Variants in PTPRT observed in about 807,000 individuals in gnomAD.
PTPRT encodes receptor-type tyrosine-protein phosphatase T.
PTPRT carries 56 observed loss-of-function variants against 176.8 expected under a neutral mutation model. That is an observed-to-expected ratio of 0.32 (90% confidence interval 0.26 to 0.40). The LOEUF (loss-of-function observed/expected upper bound fraction) is 0.40. PTPRT is among the 10% of genes least tolerant of loss of function. PTPRT has a pLI of 1.00. For synonymous variants in PTPRT, 783 were observed against 739.0 expected, an observed-to-expected ratio of 1.06 and a Z score of -0.96; for missense variants, 1,540 against 1,908.2, an observed-to-expected ratio of 0.81 and a Z score of 3.60.
intron 6 of PTPRT, among the ~76,000 whole-genome samples, chr20:42,696,347 C>A (rs1018231003): frequency 2.0e-5 from 3 of 150,762 alleles, no homozygotes; most frequent in Non-Finnish European, 3.0e-5. Context: ...CTCTCCCGTT[C>A]TCCTTTCTCT....
At chr20:43,103,772 T>TAATAATAATAATAATAAC (rs1435622032) in intron 1 of PTPRT, among the ~76,000 whole-genome samples, 1 of 150,454 alleles carries the variant, frequency 6.6e-6, no homozygotes, top group East Asian at 1.9e-4. Flanking sequence ...ATAATAATAA[T>TAATAATAATAATAATAAC]AATAACTAAA....
At position 43,127,560 on chromosome 20, in the gene PTPRT, G is replaced by A. The variant is rs553771709; in HGVS notation, c.88+62086C>T. 7.2e-5 allele frequency among the ~76,000 whole-genome samples: 11 copies of A among 152,204 alleles called. No individual in the cohort carries two copies. The South Asian group carries it at 2.3e-3, about 32-fold the overall frequency. On this transcript the variant is annotated intron_variant, in intron 1 of 30. Transcript: ENST00000373187. Reference sequence around the variant, plus strand: ...CAGCAAGCTCCTTGGCCATCCTCTAGCCATGTTCCTGCAGCCACAAACACC... The same window carrying A: ...CAGCAAGCTCCTTGGCCATCCTCTAACCATGTTCCTGCAGCCACAAACACC...
At chr20:42,337,907 C>T (rs2058062562) in intron 11 of PTPRT, among the ~76,000 whole-genome samples, 1 of 152,114 alleles carries the variant, frequency 6.6e-6, no homozygotes, top group African/African-American at 2.4e-5. Context: ...AGAGTAGAAC[C>T]TTGGTGTGAT....
intron 6 of PTPRT, among the ~76,000 whole-genome samples, chr20:42,682,281 TA>T (rs962434314): frequency 1.1e-4 from 16 of 151,656 alleles, no homozygotes; most frequent in African/African-American, 3.4e-4. Context: ...CCTTAAAAGT[TA>T]AAAAAAACAA....
At chr20:43,046,422 G>C (rs1215144524) in intron 1 of PTPRT, among the ~76,000 whole-genome samples, 1 of 143,288 alleles carries the variant, frequency 7.0e-6, no homozygotes, top group Admixed American at 7.1e-5. Flanking sequence ...GAAAAAATTA[G>C]CTGGGTGTGG....
Position 42,133,047 on chromosome 20 carries a change from A to C in PTPRT, c.2771-4217T>G, listed in dbSNP as rs939350692. Among the ~76,000 whole-genome samples, 28 of 152,316 alleles carry C rather than the reference A, an allele frequency of 1.8e-4. 1 individual carries two copies. The highest frequency in any genetic ancestry group is 6.8e-3 in the Middle Eastern group (2 of 294). ...GCAACATGCATTCAGTAGAAACCTT[A>C]ATTTGAGTACACATATAAACGTTCT... On this transcript the variant is annotated intron_variant, in intron 18 of 30. Coordinates refer to ENST00000373187, the MANE Select transcript of PTPRT (RefSeq NM_007050.6).
At chr20:42,637,348 T>G (rs2074626101) in intron 7 of PTPRT, among the ~76,000 whole-genome samples, 1 of 152,120 alleles carries the variant, frequency 6.6e-6, no homozygotes, top group South Asian at 2.1e-4. Flanking sequence ...CTTAACAATC[T>G]TTCTGACATC....
chr20:42,561,780 C>A (rs368137312), intron 7 of PTPRT, among the ~76,000 whole-genome samples: 42 of 152,298 alleles, frequency 2.8e-4, no homozygotes, highest in Middle Eastern at 3.4e-3. Flanking sequence ...TGACACGCAC[C>A]GCTGAAGAGC....
intron 9 of PTPRT, among the ~76,000 whole-genome samples, chr20:42,377,886 G>T (rs1043602946): frequency 6.6e-6 from 1 of 152,226 alleles, no homozygotes; most frequent in Non-Finnish European, 1.5e-5. Context: ...ACTATAGGAA[G>T]AACCTGGATG....
chr20:42,696,377 T>C (rs1048000756), intron 6 of PTPRT, among the ~76,000 whole-genome samples: 3 of 151,640 alleles, frequency 2.0e-5, no homozygotes, highest in African/African-American at 7.3e-5. Flanking sequence ...CTCTGCCATG[T>C]CATGAGTGGT....
In PTPRT at chr20:42,588,836, C is replaced by T. The variant is rs144064921; in HGVS notation, c.1153+89030G>A. On this transcript the variant is annotated intron_variant, in intron 7 of 30. Transcript: ENST00000373187. ...CTAAGTGTTTATTGTGTGCTGGGCA[C>T]GGCACTAAACACTTAAGTCCTCACA... 6.5e-3 allele frequency among the ~76,000 whole-genome samples: 995 copies of T among 152,230 alleles called. 7 individuals carry two copies. The highest frequency in any genetic ancestry group is 0.011 in the Non-Finnish European group (774 of 68,010).
At chr20:42,569,289 GC>G (rs931592931) in intron 7 of PTPRT, among the ~76,000 whole-genome samples, 4 of 151,376 alleles carry the variant, frequency 2.6e-5, no homozygotes, top group Non-Finnish European at 5.9e-5. Context: ...GAAATTAGAT[GC>G]TCAATGTCTC....
intron 1 of PTPRT, among the ~76,000 whole-genome samples, chr20:42,913,389 A>T (rs758236977): frequency 6.6e-6 from 1 of 152,116 alleles, no homozygotes; most frequent in Admixed American, 6.5e-5. Flanking sequence ...CCTGGCTTGA[A>T]GATGTATCAC....
chr20:42,535,718 G>A (rs768209707), intron 7 of PTPRT, among the ~76,000 whole-genome samples: 11 of 152,140 alleles, frequency 7.2e-5, no homozygotes, highest in Non-Finnish European at 1.3e-4. Context: ...AGTAATGCCT[G>A]AGAATGGCCC....
intron 17 of PTPRT, among the ~76,000 whole-genome samples, chr20:42,157,490 C>A (rs968593671): frequency 9.2e-5 from 14 of 151,936 alleles, no homozygotes; most frequent in African/African-American, 3.1e-4. Flanking sequence ...GGGTTACAGG[C>A]ACCCACCATC....
intron 7 of PTPRT, among the ~76,000 whole-genome samples, chr20:42,538,189 C>T (rs2072510656): frequency 6.6e-6 from 1 of 152,026 alleles, no homozygotes; most frequent in Non-Finnish European, 1.5e-5. Flanking sequence ...CTAGTAAATG[C>T]TAGAACCAGG....
At chr20:42,956,124 T>C (rs1430092097) in intron 1 of PTPRT, among the ~76,000 whole-genome samples, 1 of 152,178 alleles carries the variant, frequency 6.6e-6, no homozygotes, top group Non-Finnish European at 1.5e-5. Context: ...CTCCATGCAG[T>C]CGTTGGAAAA....
intron 6 of PTPRT, among the ~76,000 whole-genome samples, chr20:42,700,552 G>A (rs6030422): frequency 3.0e-4 from 46 of 152,276 alleles, no homozygotes; most frequent in African/African-American, 9.6e-4. Context: ...TAAACAAGCC[G>A]ACCTTATTAC....
At chr20:42,514,699 G>A (rs1431255521) in intron 7 of PTPRT, among the ~76,000 whole-genome samples, 1 of 152,178 alleles carries the variant, frequency 6.6e-6, no homozygotes, top group East Asian at 1.9e-4. Context: ...TTAATATGAA[G>A]GTTTACCTTT....
Sources: gnomAD v4.1 joint callset for allele counts (sites outside exome capture counted in the v4.1 genomes callset) on GRCh38, gnomAD v4.1.1 for gene constraint, MANE v1.5 for transcripts, NCBI Gene and HGNC (gene_info 2026-07-23, HGNC 2026-07-21) for gene names.